The following BNC2 variants were observed in gnomAD, a reference collection of about 807,000 sequenced individuals.
BNC2 encodes zinc finger protein basonuclin-2.
Under a neutral mutation model 76.3 loss-of-function variants are expected in BNC2, and 20 were observed. The ratio of observed to expected loss-of-function variants is 0.26; its 90% CI spans 0.18 to 0.38. The LOEUF (loss-of-function observed/expected upper bound fraction) is 0.38. Ranked by LOEUF, BNC2 falls within the 10% of genes least tolerant of loss-of-function variation. BNC2 has a pLI of 1.00. For synonymous variants in BNC2, 582 were observed against 514.8 expected (o/e 1.13, Z -1.77); for missense variants, 1,382 against 1,399.8 (o/e 0.99, Z 0.20).
rs568318075 is a variant in BNC2, at chr9:16,582,551, G to A, written c.433+432C>T. Among the ~76,000 whole-genome samples, 29 of 152,234 alleles carry A rather than the reference G, an allele frequency of 1.9e-4. No individual in the cohort carries two copies. The South Asian group carries it at 2.3e-3, about 12-fold the overall frequency. ...ACCATACAACATTTAACATCTAGAA[G>A]GATAAGCTCAGCCCCGAGCACATAC... On this transcript the variant is annotated intron_variant, in intron 4 of 6. Transcript: ENST00000380672.
At chr9:16,632,888 A>G (rs1188464132) in intron 3 of BNC2, among the ~76,000 whole-genome samples, 1 of 152,186 alleles carries the variant, frequency 6.6e-6, no homozygotes, top group Non-Finnish European at 1.5e-5. Flanking sequence ...AGGGAAAACA[A>G]TATAATCGAG....
At chr9:16,777,457 T>C (rs1304327060) in intron 1 of BNC2, among the ~76,000 whole-genome samples, 1 of 152,038 alleles carries the variant, frequency 6.6e-6, no homozygotes, top group Non-Finnish European at 1.5e-5. Flanking sequence ...TCCCAGCACT[T>C]TAGGAGGCCG....
intron 1 of BNC2, among the ~76,000 whole-genome samples, chr9:16,864,378 C>T (rs1819487420): frequency 6.6e-6 from 1 of 152,156 alleles, no homozygotes; most frequent in South Asian, 2.1e-4. Flanking sequence ...ACCAGAAATA[C>T]TGCTTTTGTC....
At chr9:16,481,861 A>T (rs1413746895) in intron 5 of BNC2, among the ~76,000 whole-genome samples, 1 of 152,218 alleles carries the variant, frequency 6.6e-6, no homozygotes, top group African/African-American at 2.4e-5. Context: ...AATATGTGTG[A>T]TCTTAGACAA....
intron 1 of BNC2, among the ~76,000 whole-genome samples, chr9:16,847,427 A>G (rs1819016414): frequency 1.1e-5 from 1 of 94,176 alleles, no homozygotes. Flanking sequence ...GCGGGCAACA[A>G]CCCTGAAGCT....
At chr9:16,826,450 A>G (rs1407610957) in intron 1 of BNC2, among the ~76,000 whole-genome samples, 1 of 152,026 alleles carries the variant, frequency 6.6e-6, no homozygotes, top group African/African-American at 2.4e-5. Flanking sequence ...TCACTGCCAT[A>G]CGGAGGTCCA....
At chr9:16,870,450 G>A (rs1819653088) in intron 1 of BNC2, among the ~76,000 whole-genome samples, 196 bp downstream of exon 1, 1 of 151,958 alleles carries the variant, frequency 6.6e-6, no homozygotes, top group Admixed American at 6.5e-5. Flanking sequence ...TTTAGGGGAG[G>A]CCACTGGGAG....
At chr9:16,585,415 T>G (rs1819741163) in intron 3 of BNC2, among the ~76,000 whole-genome samples, 1 of 152,146 alleles carries the variant, frequency 6.6e-6, no homozygotes, top group African/African-American at 2.4e-5. Flanking sequence ...CCTCAACTCC[T>G]TTTGTATATA....
intron 3 of BNC2, among the ~76,000 whole-genome samples, chr9:16,705,486 C>T (rs1823640729): frequency 6.6e-6 from 1 of 152,146 alleles, no homozygotes; most frequent in Non-Finnish European, 1.5e-5. Context: ...GCATGTGTCA[C>T]CCTGGAATTT....
chr9:16,819,329 C>A (rs530396304), intron 1 of BNC2, among the ~76,000 whole-genome samples: 13 of 152,114 alleles, frequency 8.5e-5, no homozygotes, highest in Non-Finnish European at 1.6e-4. Flanking sequence ...AGAAATGATG[C>A]CCTAATGTCA....
At position 16,514,774 on chromosome 9, in the gene BNC2, A is replaced by T. The variant is rs569530643; in HGVS notation, c.669+37756T>A. On this transcript the variant is annotated intron_variant, in intron 5 of 6. Transcript: ENST00000380672. ...GCAAGGGATCCACGTCTCGATGATGACAGAATTGAAAAACAAACAAACAAA... is the reference window on the plus strand; with the variant it reads ...GCAAGGGATCCACGTCTCGATGATGTCAGAATTGAAAAACAAACAAACAAA... Among the ~76,000 whole-genome samples, 7 of 152,350 alleles carry T rather than the reference A, an allele frequency of 4.6e-5. No homozygotes were observed. The East Asian group carries it at 1.4e-3, about 29-fold the overall frequency.
intron 6 of BNC2, among the ~76,000 whole-genome samples, chr9:16,433,619 A>T (rs981959204): frequency 6.6e-6 from 1 of 152,204 alleles, no homozygotes. Context: ...CAGTACCTCA[A>T]CAGTGCCTCC....
intron 1 of BNC2, among the ~76,000 whole-genome samples, chr9:16,749,815 G>T (rs1217049402): frequency 1.3e-5 from 2 of 152,102 alleles, no homozygotes; most frequent in Admixed American, 1.3e-4. Context: ...GCAAACTGTA[G>T]AGGCCTTGAA....
intron 2 of BNC2, among the ~76,000 whole-genome samples, chr9:16,728,567 T>G (rs1824418119): frequency 6.6e-6 from 1 of 151,856 alleles, no homozygotes. Context: ...CTGAAGAAAG[T>G]AAAATATTCA....
In BNC2 at chr9:16,413,952, C is replaced by G. The variant is rs1820528862; in HGVS notation, c.*5037G>C. On this transcript the variant is annotated 3_prime_UTR_variant, in exon 7 of 7. Transcript: ENST00000380672. ...CATGCTGGTGCCATTCGCACCTACT[C>G]CTCTGTTAGGATGAAAACGAGGTGT... 1 of 152,166 alleles carries G rather than the reference C, an allele frequency of 6.6e-6. No individual in the cohort carries two copies. Among genetic ancestry groups the G allele is most frequent in the Admixed American group, 6.5e-5 (1 of 15,278 alleles). The allele number at this position is 152,166 out of a possible 1,614,324, so 9.4% of individuals were successfully genotyped here. A position where few individuals can be genotyped will look rare whatever the true frequency, so the allele number is the denominator to read the frequency against.
At chr9:16,496,234 A>AC (rs1378900887) in intron 5 of BNC2, among the ~76,000 whole-genome samples, 1 of 152,162 alleles carries the variant, frequency 6.6e-6, no homozygotes, top group Non-Finnish European at 1.5e-5. Context: ...TTAAAAACAA[A>AC]AAAACAAAAC....
chr9:16,764,324 C>G (rs1586864849), intron 1 of BNC2, among the ~76,000 whole-genome samples: 1 of 152,094 alleles, frequency 6.6e-6, no homozygotes, highest in South Asian at 2.1e-4. Flanking sequence ...CACGGCATAC[C>G]AAAGTAGCCA....
At chr9:16,853,599 G>T (rs1586937406) in intron 1 of BNC2, among the ~76,000 whole-genome samples, 1 of 152,172 alleles carries the variant, frequency 6.6e-6, no homozygotes, top group East Asian at 1.9e-4. Context: ...GGGCGCTGTG[G>T]CTCGCGCCTG....
chr9:16,551,510 T>C (rs1238675693), intron 5 of BNC2, among the ~76,000 whole-genome samples: 1 of 152,254 alleles, frequency 6.6e-6, no homozygotes, highest in Non-Finnish European at 1.5e-5. Context: ...TCTAGCACTA[T>C]ACAAGGCTGG....
Sources: allele counts gnomAD v4.1 joint callset (sites outside exome capture counted in the v4.1 genomes callset), GRCh38; gene constraint gnomAD v4.1.1; transcripts MANE v1.5; gene names NCBI Gene and HGNC (gene_info 2026-07-23, HGNC 2026-07-21).